HUWE1: variants seen among roughly 807,000 people sequenced by gnomAD.
HUWE1 encodes E3 ubiquitin-protein ligase HUWE1.
Under a neutral mutation model 299.4 loss-of-function variants are expected in HUWE1, and 18 were observed. That is an observed-to-expected ratio of 0.06 (90% CI 0.04 to 0.09). HUWE1 has a LOEUF of 0.09. Ranked by LOEUF, HUWE1 falls within the 10% of genes least tolerant of loss-of-function variation. The pLI is 1.00. For missense variants in HUWE1, 1,832 were observed against 3,462.3 expected (o/e 0.53, Z 11.82); for synonymous variants, 1,317 against 1,286.1 (o/e 1.02, Z -0.51).
At chrX:53,562,302 G>C in intron 53 of HUWE1, 58 bp from the exon 54 acceptor site, 1 of 1,178,927 alleles carries the variant, frequency 8.5e-7, no homozygotes, top group South Asian at 1.9e-5. Flanking sequence ...ACAGGCTACT[G>C]TGCAGGCCAG....
intron 35 of HUWE1, 74 bp downstream of exon 35, chrX:53,590,329 CA>C: frequency 1.5e-6 from 1 of 670,927 alleles, no homozygotes; most frequent in Non-Finnish European, 2.5e-6. Flanking sequence ...AATTAGTTTG[CA>C]ATACTAGCAG....
At chrX:53,635,874 T>C (rs6638410) in intron 7 of HUWE1, among the ~76,000 whole-genome samples, 45,476 of 110,890 alleles carry the variant, frequency 0.41, 8,134 homozygotes, top group Middle Eastern at 0.55. Context: ...GTACCTACTA[T>C]AGAATGCTAT....
In HUWE1 at chrX:53,575,661, C is replaced by T; in HGVS notation, c.6012G>A (p.Gln2004=). The change falls in exon 45 of 84, where the codon CAG becomes CAA. Residue 2004 remains glutamine (Q), a synonymous_variant. Transcript: ENST00000262854. The stretch of plus-strand genomic sequence containing the variant: ...GACTTACATTAATGGAAAAACCTGA[C>T]TGCGTATCAAAGTCACTGCTCTGAC... ...LTRQSSDFDT[Q]SGFSINSQVF... The T allele has an allele frequency of 8.3e-7, 1 of 1,211,664 alleles. No homozygotes were observed. The highest frequency in any genetic ancestry group is 1.1e-6 in the Non-Finnish European group (1 of 895,193).
chrX:53,605,668 T>C (rs1250831668), intron 25 of HUWE1, among the ~76,000 whole-genome samples: 1 of 111,876 alleles, frequency 8.9e-6, no homozygotes, highest in East Asian at 2.8e-4. Context: ...TTTGCAGAAA[T>C]AGAAAAATCC....
chrX:53,546,621 C>T, intron 69 of HUWE1, 29 bp from the exon 70 acceptor site: 2 of 1,208,914 alleles, frequency 1.7e-6, no homozygotes, highest in Non-Finnish European at 2.2e-6. Flanking sequence ...AAGGAGTAAG[C>T]CCCAGCCTGA....
At chrX:53,684,255 C>T (rs1013639320) in intron 2 of HUWE1, 16 of 163,743 alleles carry the variant, frequency 9.8e-5, no homozygotes, top group African/African-American at 3.2e-4. Context: ...CTTAATTCAC[C>T]GCAGGATGCC....
intron 49 of HUWE1, among the ~76,000 whole-genome samples, chrX:53,565,560 ATTT>A (rs782185214): frequency 8.5e-5 from 9 of 106,424 alleles, no homozygotes; most frequent in Non-Finnish European, 1.6e-4. Flanking sequence ...TGTACTCAGG[ATTT>A]TTTTTTTTAA....
rs139734843 is a variant in HUWE1, at chrX:53,617,286, G to A, written c.1779+54C>T. 4.1e-4 allele frequency: 405 copies of A among 991,795 alleles called. 2 individuals carry two copies. The African/African-American group carries it at 7.0e-3, about 17-fold the overall frequency. The allele number at this position is 991,795 out of a possible 1,213,427, so 81.7% of individuals were successfully genotyped here. A position where few individuals can be genotyped will look rare whatever the true frequency, so the allele number is the denominator to read the frequency against. ...TAGATTCAACACTACACACAGAAGAGATAGGATTTTCACGCCCTAAGACAT... is the reference window on the plus strand; with the variant it reads ...TAGATTCAACACTACACACAGAAGAAATAGGATTTTCACGCCCTAAGACAT... On this transcript the variant is annotated intron_variant, in intron 20 of 83. Coordinates refer to ENST00000262854, the MANE Select transcript of HUWE1 (RefSeq NM_031407.7).
At chrX:53,625,894 CGGGGCCGGGACTGGGACCAGGGCT>C (rs2066473082) in intron 17 of HUWE1, 1 of 334,225 alleles carries the variant, frequency 3.0e-6, no homozygotes, top group African/African-American at 2.8e-5. Context: ...GGGCCGGTGC[CGGGGCCGGGACTGGGACCAGGGCT>C]GGGGCCAGAA....
intron 3 of HUWE1, among the ~76,000 whole-genome samples, chrX:53,679,729 T>G (rs1474437128): frequency 8.9e-6 from 1 of 112,754 alleles, no homozygotes; most frequent in African/African-American, 3.2e-5. Flanking sequence ...GGGATTATTA[T>G]ACTATTCAAT....
chrX:53,536,514 G>C lies in HUWE1; in HGVS notation c.12291C>G (p.Ser4097=). The change falls in exon 79 of 84, where the codon TCC becomes TCG. Residue 4097 remains serine (S), a synonymous_variant. Transcript: ENST00000262854. ...DRVTYTINPS[S]HCNPNHLSYF... ...AGCTGAGGTGGTTGGGGTTGCAGTG[G>C]GAAGATGGATTGATGGTGTAGGTGA... is the stretch of plus-strand genomic sequence containing the variant. 1 of 1,211,677 alleles carries C rather than the reference G, an allele frequency of 8.3e-7. No individual in the cohort carries two copies. Among genetic ancestry groups the C allele is most frequent in the Non-Finnish European group, 1.1e-6 (1 of 895,438 alleles).
Position 53,538,445 on chromosome X carries a change from C to T in HUWE1, c.11888G>A (p.Arg3963His), listed in dbSNP as rs2061162869. 1 of 1,189,655 alleles carries T rather than the reference C, an allele frequency of 8.4e-7. No individual in the cohort carries two copies. Among genetic ancestry groups the T allele is most frequent in the Non-Finnish European group, 1.1e-6 (1 of 875,874 alleles). ...QKFLRFAETHRTVLNQILRQS... is the reference protein window; with the variant it reads ...QKFLRFAETHHTVLNQILRQS... ...CCGTAGGATCTGGTTTAACACAGTG[C>T]GGTGAGTCTCTGAGGGGAGAAGTGA... The change falls in exon 77 of 84, where the codon CGC becomes CAC. Residue 3963 changes from arginine (R) to histidine (H), a missense_variant. Physicochemically the swap from Arg to His is conservative, Grantham distance 29. This residue lies in a region of HUWE1 where 129 missense variants were observed against 439.4 expected (regional missense o/e 0.29). Transcript: ENST00000262854.
intron 3 of HUWE1, among the ~76,000 whole-genome samples, chrX:53,672,510 T>A (rs1557049770): frequency 9.0e-6 from 1 of 110,763 alleles, no homozygotes; most frequent in Non-Finnish European, 1.9e-5. Context: ...CCACCCACCT[T>A]GGCCTCCCAA....
chrX:53,656,380 A>T (rs1230773693), intron 3 of HUWE1, among the ~76,000 whole-genome samples: 2 of 106,450 alleles, frequency 1.9e-5, no homozygotes, highest in East Asian at 5.8e-4. Flanking sequence ...ATCTCAAAAT[A>T]AAAAAAAATA....
rs1556938317 is a variant in HUWE1, at chrX:53,559,121, G to A, written c.7916-61C>T. On this transcript the variant is annotated intron_variant, in intron 57 of 83. Coordinates refer to ENST00000262854, the MANE Select transcript of HUWE1 (RefSeq NM_031407.7). ...CTTGTCAAGCATTAACTGATCCACC[G>A]ATCCAAAAATTGCAGTATTTCCCTA... The A allele has an allele frequency of 1.2e-5, 12 of 975,915 alleles. 1 individual carries two copies. In the East Asian group the frequency reaches 4.0e-4, roughly 33 times the overall value. The allele number at this position is 975,915 out of a possible 1,213,427, so 80.4% of individuals were successfully genotyped here.
chrX:53,574,040 T>C (rs1409392355), intron 46 of HUWE1, 76 bp from the exon 47 acceptor site: 2 of 896,579 alleles, frequency 2.2e-6, no homozygotes, highest in African/African-American at 3.9e-5. Flanking sequence ...TGGAAAAGAA[T>C]GCTATTTCTC....
intron 19 of HUWE1, 66 bp from the exon 20 acceptor site, chrX:53,617,512 A>G (rs1396700111): frequency 3.1e-6 from 2 of 651,196 alleles, no homozygotes; most frequent in Admixed American, 2.7e-5. Flanking sequence ...ACAAAACACC[A>G]AAAGCTTAAA....
chrX:53,559,249 A>T, intron 57 of HUWE1, 105 bp downstream of exon 57: 1 of 962,102 alleles, frequency 1.0e-6, no homozygotes. Context: ...TCTGGCTCCT[A>T]TAAAATGGGG....
intron 3 of HUWE1, among the ~76,000 whole-genome samples, chrX:53,655,074 T>C (rs990851080): frequency 9.0e-6 from 1 of 111,566 alleles, no homozygotes; most frequent in Non-Finnish European, 1.9e-5. Flanking sequence ...AGATCTTTGA[T>C]GGCAGACAAG....
Sources: allele counts gnomAD v4.1 joint callset (sites outside exome capture counted in the v4.1 genomes callset), GRCh38; gene constraint gnomAD v4.1.1; regional missense constraint gnomAD v4.1.1; transcripts MANE v1.5; gene names NCBI Gene and HGNC (gene_info 2026-07-23, HGNC 2026-07-21).